MAP4K3: variants seen among roughly 807,000 people sequenced by gnomAD.
MAP4K3 encodes mitogen-activated protein kinase kinase kinase kinase 3.
In MAP4K3, 94 loss-of-function variants were observed where a neutral mutation model predicts 143.5. The ratio of observed to expected loss-of-function variants is 0.65; its 90% CI spans 0.55 to 0.78. The LOEUF (loss-of-function observed/expected upper bound fraction) is 0.78. MAP4K3 is among the 30% of genes least tolerant of loss of function. The pLI, the probability that MAP4K3 is intolerant of heterozygous loss-of-function variation, is 0.00. For synonymous variants in MAP4K3, 416 were observed against 347.2 expected (o/e 1.20, Z -2.20); for missense variants, 1,077 against 1,068.1 (o/e 1.01, Z -0.12).
At chr2:39,349,583 A>G (rs1665391791) in intron 3 of MAP4K3, among the ~76,000 whole-genome samples, 2 of 152,142 alleles carry the variant, frequency 1.3e-5, no homozygotes, top group South Asian at 4.1e-4. Flanking sequence ...TGGTATATTA[A>G]AGGCTCTGAG....
intron 24 of MAP4K3, among the ~76,000 whole-genome samples, chr2:39,276,975 C>T (rs1168516434): frequency 6.6e-6 from 1 of 152,226 alleles, no homozygotes; most frequent in East Asian, 1.9e-4. Context: ...GAATTGTACC[C>T]TTTAAGTGGG....
At chr2:39,277,288 C>A (rs957931144) in intron 24 of MAP4K3, among the ~76,000 whole-genome samples, 1 of 152,216 alleles carries the variant, frequency 6.6e-6, no homozygotes, top group Non-Finnish European at 1.5e-5. Flanking sequence ...TATTTCACAT[C>A]TCTATGCCAT....
At position 39,265,186 on chromosome 2, in the gene MAP4K3, C is replaced by G. The variant is rs540426896; in HGVS notation, c.2136+17G>C. 2.7e-6 allele frequency: 4 copies of G among 1,471,506 alleles called. No individual in the cohort carries two copies. The highest frequency in any genetic ancestry group is 2.3e-5 in the South Asian group (2 of 87,154). The allele number at this position is 1,471,506 out of a possible 1,614,324, so 91.2% of individuals were successfully genotyped here. On this transcript the variant is annotated intron_variant, in intron 28 of 33. Transcript: ENST00000263881. Reference sequence around the variant, plus strand: ...GCTTTTATAGTAAGAATAAGATAGTCTGACTTTTATGCTTACCTTAATTAA... The same window carrying G: ...GCTTTTATAGTAAGAATAAGATAGTGTGACTTTTATGCTTACCTTAATTAA...
In MAP4K3 at chr2:39,356,247, A is replaced by G; in HGVS notation, c.245+2T>C. 6.4e-7 allele frequency: 1 copy of G among 1,559,524 alleles called. No individual in the cohort carries two copies. The highest frequency in any genetic ancestry group is 8.8e-7 in the Non-Finnish European group (1 of 1,139,406). On this transcript the variant is annotated splice_donor_variant, in intron 3 of 33. Transcript: ENST00000263881. LOFTEE classifies it high-confidence loss of function. ...TTTTCAAAAGGGAAACAAACAGTATACCTGAGATAGCTTCCAAAATAAGCA... is the reference window on the plus strand; with the variant it reads ...TTTTCAAAAGGGAAACAAACAGTATGCCTGAGATAGCTTCCAAAATAAGCA...
At chr2:39,276,113 C>T (rs1450164876) in intron 24 of MAP4K3, among the ~76,000 whole-genome samples, 1 of 152,094 alleles carries the variant, frequency 6.6e-6, no homozygotes, top group African/African-American at 2.4e-5. Context: ...CCTCAGGTGA[C>T]CACCCACCTC....
chr2:39,299,379 G>C (rs757701553), intron 16 of MAP4K3, among the ~76,000 whole-genome samples: 4 of 152,244 alleles, frequency 2.6e-5, no homozygotes, highest in Admixed American at 6.5e-5. Context: ...AATAATTCCA[G>C]CTGTTTTTAG....
chr2:39,313,504 TTCTC>T (rs756573076), intron 13 of MAP4K3, among the ~76,000 whole-genome samples: 1 of 151,830 alleles, frequency 6.6e-6, no homozygotes, highest in Non-Finnish European at 1.5e-5. Context: ...TCTTTCTTCT[TTCTC>T]TCTCTCTTCT....
At chr2:39,372,730 T>C (rs1666116901) in intron 2 of MAP4K3, among the ~76,000 whole-genome samples, 1 of 151,932 alleles carries the variant, frequency 6.6e-6, no homozygotes, top group South Asian at 2.1e-4. Context: ...AAACTGGATA[T>C]CCATAAGCAG....
chr2:39,319,813 T>A (rs1460745776), intron 12 of MAP4K3, among the ~76,000 whole-genome samples: 1 of 152,194 alleles, frequency 6.6e-6, no homozygotes, highest in Non-Finnish European at 1.5e-5. Context: ...CTCTCTTGAT[T>A]GCATTCATTT....
chr2:39,281,795 A>G (rs60025924), intron 22 of MAP4K3, among the ~76,000 whole-genome samples: 3,482 of 150,426 alleles, frequency 0.023, 137 homozygotes, highest in African/African-American at 0.081. Context: ...TTATTTTAAA[A>G]TATTTATAAT....
At chr2:39,336,089 A>T (rs2148526691) in intron 6 of MAP4K3, among the ~76,000 whole-genome samples, 1 of 152,346 alleles carries the variant, frequency 6.6e-6, no homozygotes, top group Middle Eastern at 3.4e-3. Flanking sequence ...AAATATGCTA[A>T]GGATTCCTAC....
chr2:39,271,455 A>C lies in MAP4K3; in HGVS notation c.1973+828T>G, dbSNP rs1251671063. Reference sequence around the variant, plus strand: ...AGGCATATTATAAAGTTTTTGTAAAATACAATTTATACCAGAGCTAGAAAA... The same window carrying C: ...AGGCATATTATAAAGTTTTTGTAAACTACAATTTATACCAGAGCTAGAAAA... On this transcript the variant is annotated intron_variant, in intron 26 of 33. Transcript: ENST00000263881. Among the ~76,000 whole-genome samples the C allele has an allele frequency of 2.0e-5, 3 of 152,250 alleles. No individual in the cohort carries two copies. The South Asian group carries it at 6.2e-4, about 32-fold the overall frequency.
chr2:39,363,448 A>G (rs1665825997), intron 2 of MAP4K3, among the ~76,000 whole-genome samples: 1 of 152,168 alleles, frequency 6.6e-6, no homozygotes, highest in Admixed American at 6.6e-5. Flanking sequence ...TGGGTGGATC[A>G]CCTGAGGTCA....
In MAP4K3 at chr2:39,285,955, T is replaced by C. The variant is rs75718694; in HGVS notation, c.1587+897A>G. Among the ~76,000 whole-genome samples the C allele has an allele frequency of 2.6e-5, 4 of 152,344 alleles. No individual in the cohort carries two copies. In the East Asian group the frequency reaches 7.7e-4, roughly 29 times the overall value. ...CTGATGAATAACATTTATGTTTTAA[T>C]AGTTCTGATGTTTTAGCTAACATTT... On this transcript the variant is annotated intron_variant, in intron 21 of 33. Coordinates refer to ENST00000263881, the MANE Select transcript of MAP4K3 (RefSeq NM_003618.4).
chr2:39,410,094 G>T (rs1438011904), intron 1 of MAP4K3, among the ~76,000 whole-genome samples: 1 of 152,224 alleles, frequency 6.6e-6, no homozygotes, highest in South Asian at 2.1e-4. Flanking sequence ...CAGCGAAGAA[G>T]TAACTTTGGT....
chr2:39,326,052 G>C, intron 9 of MAP4K3, 91 bp from the exon 10 acceptor site: 2 of 1,517,518 alleles, frequency 1.3e-6, no homozygotes, highest in African/African-American at 1.4e-5. Flanking sequence ...CCCCAAATAA[G>C]GTAAAACAAG....
chr2:39,363,994 A>T (rs1665846858), intron 2 of MAP4K3, among the ~76,000 whole-genome samples: 1 of 129,480 alleles, frequency 7.7e-6, no homozygotes, highest in South Asian at 3.1e-4. Context: ...AGCCATTATA[A>T]AAAAAAAAAA....
intron 13 of MAP4K3, among the ~76,000 whole-genome samples, chr2:39,314,230 A>G (rs1266943976): frequency 1.3e-5 from 2 of 152,024 alleles, no homozygotes; most frequent in Non-Finnish European, 2.9e-5. Flanking sequence ...GAGTTTCGCC[A>G]TGTTGGCCAT....
At chr2:39,289,816 G>A (rs1346412677) in intron 19 of MAP4K3, among the ~76,000 whole-genome samples, 2 of 152,202 alleles carry the variant, frequency 1.3e-5, no homozygotes, top group Non-Finnish European at 2.9e-5. Flanking sequence ...CAGGCACAGT[G>A]ACTCATGCCT....
Sources: gnomAD v4.1 joint callset for allele counts (sites outside exome capture counted in the v4.1 genomes callset) on GRCh38, gnomAD v4.1.1 for gene constraint, MANE v1.5 for transcripts, NCBI Gene and HGNC (gene_info 2026-07-23, HGNC 2026-07-21) for gene names.